Variants in L3MBTL1 observed in about 807,000 individuals in gnomAD.
L3MBTL1 encodes lethal(3)malignant brain tumor-like protein 1.
A neutral mutation model predicts 105.3 loss-of-function variants in L3MBTL1; 75 were observed. That is an observed-to-expected ratio of 0.71 (90% confidence interval 0.59 to 0.86). The LOEUF (loss-of-function observed/expected upper bound fraction) is 0.86. Ranked by LOEUF, L3MBTL1 falls within the 40% of genes least tolerant of loss-of-function variation. L3MBTL1 has a pLI of 0.00. For synonymous variants in L3MBTL1, 452 were observed against 436.2 expected, an observed-to-expected ratio of 1.04 and a Z score of -0.45; for missense variants, 1,069 against 1,126.4, an observed-to-expected ratio of 0.95 and a Z score of 0.73.
chr20:43,535,179 C>G (rs144086221), intron 16 of L3MBTL1, among the ~76,000 whole-genome samples: 1 of 152,286 alleles, frequency 6.6e-6, no homozygotes, highest in Non-Finnish European at 1.5e-5. Context: ...AAGGGGCAAG[C>G]TCACTTGGTT....
chr20:43,543,533 G>A (rs1978364252), downstream of L3MBTL1, among the ~76,000 whole-genome samples: 1 of 152,208 alleles, frequency 6.6e-6, no homozygotes, highest in Admixed American at 6.5e-5. Flanking sequence ...AAAGGGAGGT[G>A]TACTGGTAGA....
chr20:43,529,037 G>A (rs1424070571), intron 8 of L3MBTL1: 3 of 603,094 alleles, frequency 5.0e-6, no homozygotes, highest in Non-Finnish European at 8.8e-6. Flanking sequence ...TGACTTTGGT[G>A]AGAGGGAGCC....
chr20:43,534,467 C>A, intron 15 of L3MBTL1, 73 bp downstream of exon 15: 1 of 1,172,852 alleles, frequency 8.5e-7, no homozygotes. Flanking sequence ...GTTTAGAGGT[C>A]AGGGGCATCA....
chr20:43,539,329 G>T (rs1260873835), intron 19 of L3MBTL1: 1 of 153,302 alleles, frequency 6.5e-6, no homozygotes, highest in Non-Finnish European at 1.5e-5. Flanking sequence ...CACAAGGCCG[G>T]CCAAGGCTGA....
chr20:43,514,224 T>G (rs1023719193), intron 3 of L3MBTL1, among the ~76,000 whole-genome samples, 163 bp downstream of exon 3: 1 of 151,936 alleles, frequency 6.6e-6, no homozygotes, highest in Non-Finnish European at 1.5e-5. Context: ...TGGCTTGAGT[T>G]GAAGCACTCC....
Position 43,514,002 on chromosome 20 carries a change from A to G in L3MBTL1, c.301A>G (p.Thr101Ala), listed in dbSNP as rs778143381. The change falls in exon 3 of 22, where the codon ACA (threonine) becomes GCA (alanine). Residue 101 changes from threonine (T) to alanine (A), a missense_variant. Thr to Ala is a moderately conservative substitution (Grantham distance 58). Transcript: ENST00000418998. ...CGGGCCGGCCAGCTCCAGCACCAGCACAGTGCGGCTTCTGGAATGGACAGA... is the reference window on the plus strand; with the variant it reads ...CGGGCCGGCCAGCTCCAGCACCAGCGCAGTGCGGCTTCTGGAATGGACAGA... ...SAGPASSSTS[T>A]VRLLEWTEAA... The G allele has an allele frequency of 7.1e-5, 109 of 1,542,684 alleles. No homozygotes were observed. The Admixed American group carries it at 7.5e-4, about 11-fold the overall frequency.
chr20:43,528,857 C>A, intron 8 of L3MBTL1, 112 bp downstream of exon 8: 1 of 822,776 alleles, frequency 1.2e-6, no homozygotes, highest in Non-Finnish European at 2.1e-6. Context: ...AGTGGACTGG[C>A]AGAATGGAAA....
rs942151863 is a variant in L3MBTL1 at position 43,511,811 on chromosome 20, A to C, written c.-28-1665A>C. Reference sequence around the variant, plus strand: ...AAAAAAAAAAAAAAATTGGTAAAGAAAGACCTCTTCTGAGGAGGTGACTAT... The same window carrying C: ...AAAAAAAAAAAAAAATTGGTAAAGACAGACCTCTTCTGAGGAGGTGACTAT... On this transcript the variant is annotated intron_variant, in intron 1 of 21. Transcript: ENST00000418998. Among the ~76,000 whole-genome samples, 5 of 151,810 alleles carry C rather than the reference A, an allele frequency of 3.3e-5. No individual in the cohort carries two copies. In the Middle Eastern group the frequency reaches 0.01, roughly 310 times the overall value.
chr20:43,525,825 A>C (rs2019002969), intron 7 of L3MBTL1, among the ~76,000 whole-genome samples: 1 of 152,198 alleles, frequency 6.6e-6, no homozygotes, highest in South Asian at 2.1e-4. Context: ...CATGTATATG[A>C]AGTCTTTCCG....
intron 1 of L3MBTL1, among the ~76,000 whole-genome samples, chr20:43,510,406 C>CTT (rs11476429): frequency 0.044 from 5,623 of 127,524 alleles, 360 homozygotes; most frequent in African/African-American, 0.12. Context: ...TTCTTTCTTT[C>CTT]TTTTTTTTTT....
downstream of L3MBTL1, among the ~76,000 whole-genome samples, chr20:43,546,893 A>G (rs1361459595): frequency 6.6e-6 from 1 of 152,112 alleles, no homozygotes; most frequent in Non-Finnish European, 1.5e-5. Flanking sequence ...TAACCACAAT[A>G]TTGTTATCCC....
intron 9 of L3MBTL1, 70 bp downstream of exon 9, chr20:43,529,438 C>A: frequency 9.0e-7 from 1 of 1,108,650 alleles, no homozygotes; most frequent in Non-Finnish European, 1.4e-6. Context: ...TTGCTGGGGA[C>A]ATAGAAGGAA....
chr20:43,534,757 G>C, intron 15 of L3MBTL1, 71 bp from the exon 16 acceptor site: 1 of 1,078,936 alleles, frequency 9.3e-7, no homozygotes, highest in South Asian at 1.4e-5. Context: ...TCCCAGGGAT[G>C]GGGAGAGGAC....
intron 19 of L3MBTL1, among the ~76,000 whole-genome samples, chr20:43,537,932 T>C (rs2019714576): frequency 6.6e-6 from 1 of 152,166 alleles, no homozygotes; most frequent in Non-Finnish European, 1.5e-5. Context: ...AGCCTCACCT[T>C]CCTTATCTGT....
chr20:43,524,411 AG>A (rs1341214715), intron 7 of L3MBTL1, among the ~76,000 whole-genome samples: 1 of 152,216 alleles, frequency 6.6e-6, no homozygotes, highest in Non-Finnish European at 1.5e-5. Flanking sequence ...AAGAGTTCAG[AG>A]TAAGCAAAAC....
chr20:43,510,874 C>T (rs981899208), intron 1 of L3MBTL1, among the ~76,000 whole-genome samples: 6 of 151,790 alleles, frequency 4.0e-5, no homozygotes, highest in African/African-American at 7.3e-5. Context: ...TATACTGCAA[C>T]ACCTGGCTTA....
chr20:43,545,575 A>G (rs1438110036), downstream of L3MBTL1, among the ~76,000 whole-genome samples: 1 of 152,062 alleles, frequency 6.6e-6, no homozygotes, highest in Non-Finnish European at 1.5e-5. Context: ...CCCATCGAGG[A>G]GGTGCTGGAG....
chr20:43,530,620 C>T, intron 10 of L3MBTL1, 178 bp from the exon 11 acceptor site: 1 of 775,026 alleles, frequency 1.3e-6, no homozygotes, highest in Non-Finnish European at 2.1e-6. Context: ...TTTGCACTTG[C>T]CCTTTGAGTG....
chr20:43,540,956 A>G lies in L3MBTL1; in HGVS notation c.2417A>G (p.His806Arg), dbSNP rs1189334958. The G allele has an allele frequency of 1.2e-6, 2 of 1,614,036 alleles. No homozygotes were observed. Among genetic ancestry groups the G allele is most frequent in the African/African-American group, 1.3e-5 (1 of 74,924 alleles). Residue 806 changes from histidine (H) to arginine (R), a missense_variant, in exon 22 of 22, where the codon CAT becomes CGT. Transcript: ENST00000418998. The part of the protein sequence containing the change: ...KDEARIVRVT[H>R]VSGKTLVWTV... ...CAGGCAAGAATAGTCAGAGTGACCC[A>G]TGTATCTGGGAAGACTCTAGTCTGG...
Sources: allele counts gnomAD v4.1 joint callset (sites outside exome capture counted in the v4.1 genomes callset), GRCh38; gene constraint gnomAD v4.1.1; transcripts MANE v1.5; gene names NCBI Gene and HGNC (gene_info 2026-07-23, HGNC 2026-07-21).